The following FMN2 variants were observed in gnomAD, a reference collection of about 807,000 sequenced individuals.
The protein encoded by FMN2 is formin-2.
A neutral mutation model predicts 142.3 loss-of-function variants in FMN2; 51 were observed. The observed-to-expected ratio is 0.36, with a 90% CI of 0.29 to 0.45. FMN2 has a LOEUF of 0.45. Ranked by LOEUF, FMN2 falls within the 20% of genes least tolerant of loss-of-function variation. The pLI, the probability that FMN2 is intolerant of heterozygous loss-of-function variation, is 1.00. For synonymous variants in FMN2, 882 were observed against 869.8 expected (o/e 1.01, Z -0.25); for missense variants, 1,936 against 2,122.8 (o/e 0.91, Z 1.73).
chr1:240,355,176 T>C (rs938601240), intron 13 of FMN2, among the ~76,000 whole-genome samples: 2 of 149,816 alleles, frequency 1.3e-5, no homozygotes, highest in African/African-American at 5.1e-5. Context: ...AGCCTTAACT[T>C]CCTCAGCTAT....
chr1:240,437,430 G>A (rs1022411502), intron 15 of FMN2, among the ~76,000 whole-genome samples: 1 of 151,776 alleles, frequency 6.6e-6, no homozygotes, highest in Non-Finnish European at 1.5e-5. Context: ...CAAGTAGCTG[G>A]GACTACAGGT....
At chr1:240,135,954 C>T (rs1662921001) in intron 2 of FMN2, among the ~76,000 whole-genome samples, 2 of 151,406 alleles carry the variant, frequency 1.3e-5, no homozygotes, top group South Asian at 4.2e-4. Flanking sequence ...GCTGGGATTA[C>T]AGGCATGAGC....
At chr1:240,450,839 A>T (rs908879830) in intron 16 of FMN2, among the ~76,000 whole-genome samples, 1 of 152,194 alleles carries the variant, frequency 6.6e-6, no homozygotes. Context: ...GAAAGATGCC[A>T]CTTCTGCCTT....
chr1:240,183,079 G>A (rs1665219857), intron 3 of FMN2, among the ~76,000 whole-genome samples: 1 of 151,658 alleles, frequency 6.6e-6, no homozygotes, highest in African/African-American at 2.4e-5. Context: ...ACCACTCCCA[G>A]CTAATTTTTA....
chr1:240,263,249 G>A (rs897437273), intron 7 of FMN2, among the ~76,000 whole-genome samples: 2 of 152,082 alleles, frequency 1.3e-5, no homozygotes, highest in African/African-American at 4.8e-5. Context: ...TCTTTATAGG[G>A]GCTCTCACTG....
In FMN2 at chr1:240,324,473, C is replaced by T. The variant is rs140924457; in HGVS notation, c.4216-4603C>T. Among the ~76,000 whole-genome samples the T allele has an allele frequency of 8.3e-3, 1,260 of 152,136 alleles. 25 individuals are homozygous for T. The highest frequency in any genetic ancestry group is 0.029 in the African/African-American group (1,195 of 41,526). ...ATCGAGACCAGCCTGGCTAACATGG[C>T]GAAGCCCTGTCTCTACTAAAACTAC... On this transcript the variant is annotated intron_variant, in intron 8 of 17. Coordinates refer to ENST00000319653, the MANE Select transcript of FMN2 (RefSeq NM_020066.5).
At chr1:240,151,073 G>A (rs918556105) in intron 2 of FMN2, among the ~76,000 whole-genome samples, 5 of 152,156 alleles carry the variant, frequency 3.3e-5, no homozygotes, top group African/African-American at 1.2e-4. Flanking sequence ...TGGTTTCTAA[G>A]TCCCAATTGT....
rs934874652 is a variant in FMN2, at chr1:240,102,923, G to A, written c.1615+9199G>A. Among the ~76,000 whole-genome samples, 34 of 150,340 alleles carry A rather than the reference G, an allele frequency of 2.3e-4. 1 individual carries two copies. The highest frequency in any genetic ancestry group is 8.1e-4 in the African/African-American group (33 of 40,702). On this transcript the variant is annotated intron_variant, in intron 1 of 17. Coordinates refer to ENST00000319653, the MANE Select transcript of FMN2 (RefSeq NM_020066.5). ...TCTGTCACCCAGGCTGGAATACAGT[G>A]GCGCCATCTTGGCTTACTGCAACCT...
chr1:240,132,608 C>G (rs1362971058), intron 2 of FMN2, among the ~76,000 whole-genome samples: 1 of 152,046 alleles, frequency 6.6e-6, no homozygotes, highest in Non-Finnish European at 1.5e-5. Context: ...GAGAGAGGAC[C>G]ATGTGGTAAA....
chr1:240,142,474 C>T (rs1459845977), intron 2 of FMN2, among the ~76,000 whole-genome samples: 3 of 42,526 alleles, frequency 7.1e-5, no homozygotes, highest in Non-Finnish European at 1.5e-4. Flanking sequence ...AAAACCTTTT[C>T]ATATTTATTT....
At chr1:240,306,519 T>C (rs1670411836) in intron 8 of FMN2, among the ~76,000 whole-genome samples, 1 of 152,190 alleles carries the variant, frequency 6.6e-6, no homozygotes, top group Non-Finnish European at 1.5e-5. Context: ...ACATGTGATA[T>C]GTTTCTGCAT....
chr1:240,429,349 A>G (rs773621091), intron 15 of FMN2, among the ~76,000 whole-genome samples: 9 of 151,996 alleles, frequency 5.9e-5, no homozygotes, highest in East Asian at 3.9e-4. Context: ...TTTTCTTTCA[A>G]TAAGTTTGTT....
chr1:240,381,231 CAG>C (rs1249218187), intron 14 of FMN2, among the ~76,000 whole-genome samples: 1 of 152,074 alleles, frequency 6.6e-6, no homozygotes, highest in African/African-American at 2.4e-5. Context: ...ACAAAACACA[CAG>C]GGGTATATCT....
At chr1:240,369,998 T>G (rs1218525921) in intron 14 of FMN2, among the ~76,000 whole-genome samples, 5 of 152,176 alleles carry the variant, frequency 3.3e-5, no homozygotes, top group Non-Finnish European at 7.4e-5. Context: ...AATGCCTGAT[T>G]TAGTGGGGTG....
rs181146372 is a variant in FMN2 at position 240,167,424 on chromosome 1, A to G, written c.1783-10497A>G. Among the ~76,000 whole-genome samples, 411 of 152,296 alleles carry G rather than the reference A, an allele frequency of 2.7e-3. 2 individuals carry two copies. The highest frequency in any genetic ancestry group is 4.7e-3 in the Non-Finnish European group (321 of 68,020). ...TGTCCTCCCAAAGTGCTTGGATTAT[A>G]GGTGGGAGCCATAGTGCCTGGCCTA... On this transcript the variant is annotated intron_variant, in intron 2 of 17. Coordinates refer to ENST00000319653, the MANE Select transcript of FMN2 (RefSeq NM_020066.5).
chr1:240,406,299 G>A (rs1467686988), intron 15 of FMN2, among the ~76,000 whole-genome samples: 1 of 93,348 alleles, frequency 1.1e-5, no homozygotes. Flanking sequence ...AGTGGGGGGA[G>A]CGAAGGGAAG....
intron 16 of FMN2, among the ~76,000 whole-genome samples, chr1:240,465,702 A>C (rs1676596642): frequency 6.6e-6 from 1 of 152,150 alleles, no homozygotes; most frequent in Non-Finnish European, 1.5e-5. Context: ...ATTTAGACCA[A>C]GCTATTAATG....
intron 16 of FMN2, among the ~76,000 whole-genome samples, chr1:240,445,918 G>C (rs1191839396): frequency 6.6e-6 from 1 of 151,996 alleles, no homozygotes; most frequent in Non-Finnish European, 1.5e-5. Flanking sequence ...GATATATTTT[G>C]GAGGAAAATC....
chr1:240,330,016 T>C (rs1409817564), intron 10 of FMN2, among the ~76,000 whole-genome samples: 1 of 152,226 alleles, frequency 6.6e-6, no homozygotes, highest in East Asian at 1.9e-4. Context: ...TTGCGGTAAA[T>C]CATTTTGAAA....
Sources: allele counts gnomAD v4.1 joint callset (sites outside exome capture counted in the v4.1 genomes callset), GRCh38; gene constraint gnomAD v4.1.1; transcripts MANE v1.5; gene names NCBI Gene and HGNC (gene_info 2026-07-23, HGNC 2026-07-21).